EML2: variants seen among roughly 807,000 people sequenced by gnomAD.
EML2 encodes EMAP like 2.
EML2 carries 59 observed loss-of-function variants against 84.7 expected under a neutral mutation model. That is an observed-to-expected ratio of 0.70 (90% confidence interval 0.56 to 0.86). EML2 has a LOEUF of 0.86. Ranked by LOEUF, EML2 falls within the 40% of genes least tolerant of loss-of-function variation. EML2 has a pLI of 0.00. For synonymous variants in EML2, 352 were observed against 348.9 expected (o/e 1.01, Z -0.10); for missense variants, 818 against 855.6 (o/e 0.96, Z 0.55).
At chr19:45,639,422 G>C (rs982097175), upstream of EML2, 11 of 1,248,038 alleles carry the variant, frequency 8.8e-6, no homozygotes, top group Non-Finnish European at 1.0e-5. Context: ...AGCCGGGACC[G>C]GCTCTGCCGC....
chr19:45,617,009 G>GTCCA (rs1971168986), intron 13 of EML2, among the ~76,000 whole-genome samples, 156 bp from the exon 14 acceptor site: 1 of 152,298 alleles, frequency 6.6e-6, no homozygotes, highest in South Asian at 2.1e-4. Flanking sequence ...ACGCTGGGAG[G>GTCCA]CCGAGGCGGG....
chr19:45,632,647 G>C (rs902883199), intron 6 of EML2: 7 of 554,164 alleles, frequency 1.3e-5, no homozygotes, highest in Non-Finnish European at 2.0e-5. Context: ...CTGGGCCCTA[G>C]GCACTGGGTT....
intron 15 of EML2, chr19:45,616,252 G>T (rs1007801852): frequency 3.5e-6 from 2 of 570,696 alleles, no homozygotes; most frequent in Non-Finnish European, 6.3e-6. Context: ...CTACACAGAT[G>T]GGCTTAGCAC....
intron 18 of EML2, 98 bp from the exon 19 acceptor site, chr19:45,609,886 T>A: frequency 7.6e-5 from 93 of 1,218,500 alleles, no homozygotes; most frequent in Non-Finnish European, 8.8e-5. Context: ...CTGCTCTTCC[T>A]CTTTTTTTTT....
intron 12 of EML2, 107 bp downstream of exon 12, chr19:45,618,950 GAAA>G (rs377335551): frequency 7.3e-5 from 72 of 991,212 alleles, no homozygotes; most frequent in Admixed American, 1.8e-4. Flanking sequence ...CCACCTCGAA[GAAA>G]AAAAAAAAAA....
intron 3 of EML2, among the ~76,000 whole-genome samples, chr19:45,635,384 C>T (rs929416148): frequency 6.6e-6 from 1 of 151,982 alleles, no homozygotes; most frequent in African/African-American, 2.4e-5. Context: ...GGTGATCCAC[C>T]CACCTTGGTC....
chr19:45,613,552 A>G lies in EML2; in HGVS notation c.1813T>C (p.Cys605Arg), dbSNP rs1970708164. 1.2e-6 allele frequency: 2 copies of G among 1,613,918 alleles called. No individual in the cohort carries two copies. Among genetic ancestry groups the G allele is most frequent in the Admixed American group, 1.7e-5 (1 of 59,984 alleles). Residue 605 changes from cysteine (C) to arginine (R), a missense_variant, in exon 18 of 19, where the codon TGT becomes CGT. Physicochemically the swap from Cys to Arg is radical, Grantham distance 180. Transcript: ENST00000245925. ...GKVHLFSYPCCQPRALSHKYG... is the reference protein window; with the variant it reads ...GKVHLFSYPCRQPRALSHKYG... ...CCCAAGGGACTCACTCGAGGCTGAC[A>G]GCAGGGGTAGCTAAACAGGTGAACT...
intron 12 of EML2, 139 bp from the exon 13 acceptor site, chr19:45,617,836 C>A: frequency 1.6e-6 from 1 of 630,618 alleles, no homozygotes; most frequent in Non-Finnish European, 2.8e-6. Context: ...CACCCCCACC[C>A]CAGACACCAT....
intron 6 of EML2, among the ~76,000 whole-genome samples, chr19:45,631,848 G>T (rs1015199842): frequency 1.3e-5 from 2 of 148,818 alleles, no homozygotes; most frequent in African/African-American, 5.0e-5. Flanking sequence ...TGGGAGTACA[G>T]GCCCAGGCCC....
At chr19:45,633,634 G>A (rs771864258) in intron 4 of EML2, among the ~76,000 whole-genome samples, 1 of 152,098 alleles carries the variant, frequency 6.6e-6, no homozygotes. Flanking sequence ...AGCTACTCGG[G>A]AGACTGAGGC....
chr19:45,617,656 G>C lies in EML2; in HGVS notation c.1296C>G (p.Val432=). 2 of 1,613,988 alleles carry C rather than the reference G, an allele frequency of 1.2e-6. No homozygotes were observed. The highest frequency in any genetic ancestry group is 1.7e-6 in the Non-Finnish European group (2 of 1,179,932). Residue 432 remains valine, a synonymous_variant, in exon 13 of 19, where the codon GTC becomes GTG. Coordinates refer to ENST00000245925, the MANE Select transcript of EML2 (RefSeq NM_012155.4). ...RSAGFHPSGS[V]LAVGTVTGRW... ...TGCCAGTCACTGTACCCACAGCCAG[G>C]ACAGAGCCACTGGGGTGGAAGCCGG...
At chr19:45,626,257 C>T (rs1972305632) in intron 8 of EML2, among the ~76,000 whole-genome samples, 1 of 152,122 alleles carries the variant, frequency 6.6e-6, no homozygotes, top group Admixed American at 6.6e-5. Context: ...AGGGATCCTC[C>T]CCCCTCAGCC....
At position 45,624,671 on chromosome 19, in the gene EML2, T is replaced by A. The variant is rs1972092492; in HGVS notation, c.841+48A>T. On this transcript the variant is annotated intron_variant, in intron 9 of 18. Transcript: ENST00000245925. The stretch of plus-strand genomic sequence containing the variant: ...CCACGAAGGGAGGCAGAGCCAGGAG[T>A]GTTTCAGAAGACTGGATTGGGAACC... 5 of 1,407,922 alleles carry A rather than the reference T, an allele frequency of 3.6e-6. No individual in the cohort carries two copies. The East Asian group carries it at 1.2e-4, about 33-fold the overall frequency. 87.2% of individuals were successfully genotyped at this position (1,407,922 alleles called of 1,614,324 possible). A position where few individuals can be genotyped will look rare whatever the true frequency, so the allele number is the denominator to read the frequency against.
chr19:45,638,890 AAG>A lies in EML2; in HGVS notation c.21-19_21-18del, dbSNP rs1242108980. The A allele has an allele frequency of 6.2e-7, 1 of 1,613,832 alleles. No homozygotes were observed. Among genetic ancestry groups the A allele is most frequent in the Non-Finnish European group, 8.5e-7 (1 of 1,179,990 alleles). ...TTGGTTTTGCTGTCAGGAAAGGACA[AAG>A]AAAAAAAAAGGGTCTTAGTATTCAG... On this transcript the variant is annotated intron_variant, in intron 1 of 18. Coordinates refer to ENST00000245925, the MANE Select transcript of EML2 (RefSeq NM_012155.4).
chr19:45,638,507 C>A lies in EML2; in HGVS notation c.177G>T (p.Trp59Cys), dbSNP rs1568488742. ...AGGAGATTCCAGCAAAAGGATACAC[C>A]CACTCCAGCTTGAGCCGGCAAGAAG... ...ELPSCRLKLE[W>C]VYGYRGRDCR... The change falls in exon 3 of 19, where the codon TGG becomes TGT. Residue 59 changes from tryptophan to cysteine, a missense_variant and splice_region_variant. Transcript: ENST00000245925. 2.5e-6 allele frequency: 4 copies of A among 1,614,040 alleles called. No homozygotes were observed. Among genetic ancestry groups the A allele is most frequent in the Non-Finnish European group, 3.4e-6 (4 of 1,180,028 alleles).
chr19:45,638,374 G>T, intron 3 of EML2, 131 bp downstream of exon 3: 2 of 1,283,320 alleles, frequency 1.6e-6, no homozygotes, highest in South Asian at 1.2e-5. Flanking sequence ...TGTTGCCCAG[G>T]CAGGTCTCAA....
chr19:45,632,767 C>T (rs1973213778), intron 6 of EML2, 94 bp downstream of exon 6: 1 of 1,101,366 alleles, frequency 9.1e-7, no homozygotes. Flanking sequence ...AGCAGGATTC[C>T]CGGCCCTCAA....
In EML2 at chr19:45,621,579, G is replaced by A. The variant is rs753643080; in HGVS notation, c.900C>T (p.Leu300=). Residue 300 remains leucine (L), a synonymous_variant, in exon 10 of 19, where the codon CTC becomes CTT. Coordinates refer to ENST00000245925, the MANE Select transcript of EML2 (RefSeq NM_012155.4). ...CCAGCGTCCCGTCCCGCAGGGCGCA[G>A]AGCCCAAACACGCCGCCGTCGTGGG... ...LGAHDGGVFG[L]CALRDGTLVS... is the part of the protein sequence containing the mutation. The A allele has an allele frequency of 3.7e-6, 6 of 1,612,332 alleles. No individual in the cohort carries two copies. Among genetic ancestry groups the A allele is most frequent in the Middle Eastern group, 1.6e-4 (1 of 6,062 alleles).
chr19:45,627,839 A>T (rs1343165898), intron 7 of EML2, among the ~76,000 whole-genome samples: 2 of 151,950 alleles, frequency 1.3e-5, no homozygotes, highest in Non-Finnish European at 2.9e-5. Context: ...AGGCGGGTGG[A>T]TCACCTGAGG....
Sources: gnomAD v4.1 joint callset for allele counts (sites outside exome capture counted in the v4.1 genomes callset) on GRCh38, gnomAD v4.1.1 for gene constraint, MANE v1.5 for transcripts, NCBI Gene and HGNC (gene_info 2026-07-23, HGNC 2026-07-21) for gene names.